LGMN: variants seen among roughly 807,000 people sequenced by gnomAD.
LGMN encodes legumain.
In LGMN, 36 loss-of-function variants were observed where a neutral mutation model predicts 56.8. The ratio of observed to expected loss-of-function variants is 0.63; its 90% CI spans 0.49 to 0.84. LGMN has a LOEUF of 0.84. Among genes scored for constraint, LGMN ranks in the 40% least tolerant of loss-of-function variants. LGMN has a pLI of 0.00. For missense variants in LGMN, 446 were observed against 556.1 expected, an observed-to-expected ratio of 0.80 and a Z score of 1.99; for synonymous variants, 199 against 210.1, an observed-to-expected ratio of 0.95 and a Z score of 0.46.
chr14:92,713,764 C>T (rs1889917640), intron 7 of LGMN, 59 bp downstream of exon 7: 3 of 1,151,714 alleles, frequency 2.6e-6, no homozygotes, highest in Non-Finnish European at 4.0e-6. Flanking sequence ...GTGGGCTCTG[C>T]ACTCACGGCT....
rs369724552 is a variant in LGMN at position 92,704,622 on chromosome 14, C to G, written c.1259+18G>C. On this transcript the variant is annotated intron_variant, in intron 13 of 13. Coordinates refer to ENST00000334869, the MANE Select transcript of LGMN (RefSeq NM_005606.7). ...AGAATGACATCGACCTTTCAAGCGT[C>G]ACCGCTGCATTAGTTACCTGTGAAG... 5.0e-6 allele frequency: 8 copies of G among 1,600,804 alleles called. No homozygotes were observed. The African/African-American group carries it at 1.1e-4, about 21-fold the overall frequency.
chr14:92,706,385 TG>T (rs2140200121), intron 12 of LGMN, 97 bp downstream of exon 12: 1 of 1,024,118 alleles, frequency 9.8e-7, no homozygotes, highest in East Asian at 2.7e-5. Flanking sequence ...TCAGCCTGGA[TG>T]GAACCTTCTA....
At chr14:92,711,475 C>G (rs79720651) in intron 10 of LGMN, among the ~76,000 whole-genome samples, 184 bp downstream of exon 10, 3 of 152,306 alleles carry the variant, frequency 2.0e-5, no homozygotes, top group East Asian at 1.9e-4. Flanking sequence ...AAGTTTGAAC[C>G]TAGAAAGGTC....
rs1889840673 is a variant in LGMN, at chr14:92,712,647, C to G, written c.610+158G>C. 4.7e-6 allele frequency: 3 copies of G among 642,490 alleles called. No homozygotes were observed. The South Asian group carries it at 5.4e-5, about 12-fold the overall frequency. 39.8% of individuals were successfully genotyped at this position (642,490 alleles called of 1,614,324 possible). ...TCCCTGACTACCAGTGCTTCAGAAGCAGAGGAAGCCCAGAGCTACCTGCAA... is the reference window on the plus strand; with the variant it reads ...TCCCTGACTACCAGTGCTTCAGAAGGAGAGGAAGCCCAGAGCTACCTGCAA... On this transcript the variant is annotated intron_variant, in intron 8 of 13. Coordinates refer to ENST00000334869, the MANE Select transcript of LGMN (RefSeq NM_005606.7).
chr14:92,703,968 G>C lies in LGMN; in HGVS notation c.*351C>G. 1.7e-6 allele frequency: 1 copy of C among 595,670 alleles called. No homozygotes were observed. Among genetic ancestry groups the C allele is most frequent in the South Asian group, 2.0e-5 (1 of 50,328 alleles). 36.9% of individuals were successfully genotyped at this position (595,670 alleles called of 1,614,324 possible). ...ATTCTGAAGATTTAAAGAGGTTTCA[G>C]CTTCAAATTCTCAGAATAAAGACTC... On this transcript the variant is annotated 3_prime_UTR_variant, in exon 14 of 14. Transcript: ENST00000334869.
At chr14:92,725,991 C>G (rs1271036582) in intron 2 of LGMN, among the ~76,000 whole-genome samples, 1 of 151,860 alleles carries the variant, frequency 6.6e-6, no homozygotes, top group Non-Finnish European at 1.5e-5. Flanking sequence ...AATCCCAGCA[C>G]TTTGGGAGGC....
At chr14:92,729,470 C>CCA (rs1406228331) in intron 2 of LGMN, among the ~76,000 whole-genome samples, 3 of 62,800 alleles carry the variant, frequency 4.8e-5, no homozygotes, top group South Asian at 1.0e-3. Context: ...AGATCACGCC[C>CCA]CCCCCCCCCG....
chr14:92,704,709 T>TG lies in LGMN; in HGVS notation c.1192-3dup. ...CAAATGTCTCAACGCATACTCGTAC[T>TG]GGGAGAAAACAAACGAGAAGAATGA... On this transcript the variant is annotated splice_polypyrimidine_tract_variant and splice_region_variant and intron_variant, in intron 12 of 13. Coordinates refer to ENST00000334869, the MANE Select transcript of LGMN (RefSeq NM_005606.7). 1 of 1,612,108 alleles carries TG rather than the reference T, an allele frequency of 6.2e-7. No homozygotes were observed. The highest frequency in any genetic ancestry group is 8.5e-7 in the Non-Finnish European group (1 of 1,178,130).
chr14:92,716,053 G>T, intron 5 of LGMN, 83 bp downstream of exon 5: 2 of 900,868 alleles, frequency 2.2e-6, no homozygotes, highest in Non-Finnish European at 3.5e-6. Context: ...CAGGCTAGGG[G>T]CACAGAACAA....
chr14:92,711,766 A>C lies in LGMN; in HGVS notation c.730-18T>G. 1 of 1,613,188 alleles carries C rather than the reference A, an allele frequency of 6.2e-7. No homozygotes were observed. On this transcript the variant is annotated intron_variant, in intron 9 of 13. Transcript: ENST00000334869. ...AGATCTTCCTGCAAAAAGTGAGACC[A>C]TTAGAGACCTTTGACAATCAGAGTC...
chr14:92,729,233 T>A (rs1890905702), intron 2 of LGMN, among the ~76,000 whole-genome samples: 1 of 149,430 alleles, frequency 6.7e-6, no homozygotes, highest in Non-Finnish European at 1.5e-5. Flanking sequence ...CTCTCCCAGG[T>A]CTGCCTCTGT....
intron 1 of LGMN, among the ~76,000 whole-genome samples, chr14:92,744,624 T>A (rs1418293537): frequency 1.3e-5 from 2 of 150,958 alleles, no homozygotes; most frequent in African/African-American, 4.9e-5. Flanking sequence ...AGACGGAGTT[T>A]CGCTCTTGTT....
chr14:92,717,934 G>C (rs1022775669), intron 3 of LGMN, among the ~76,000 whole-genome samples: 11 of 152,308 alleles, frequency 7.2e-5, no homozygotes, highest in South Asian at 2.1e-4. Context: ...TGACCACGGA[G>C]CTAGGAGGTT....
Position 92,717,304 on chromosome 14 carries a change from A to G in LGMN, c.318+76T>C, listed in dbSNP as rs984899749. ...CAGTCTAGGGAGATTCTGATTCTAG[A>G]AACAGAAGAAAGAGGGAAAAATCAT... On this transcript the variant is annotated intron_variant, in intron 4 of 13. Coordinates refer to ENST00000334869, the MANE Select transcript of LGMN (RefSeq NM_005606.7). 21 of 916,226 alleles carry G rather than the reference A, an allele frequency of 2.3e-5. No individual in the cohort carries two copies. In the East Asian group the frequency reaches 4.7e-4, roughly 21 times the overall value. 56.8% of individuals were successfully genotyped at this position (916,226 alleles called of 1,614,324 possible). A position where few individuals can be genotyped will look rare whatever the true frequency, so the allele number is the denominator to read the frequency against.
intron 1 of LGMN, among the ~76,000 whole-genome samples, chr14:92,746,864 G>A (rs781607076): frequency 1.3e-5 from 2 of 151,754 alleles, no homozygotes; most frequent in Non-Finnish European, 2.9e-5. Context: ...GTGAAACCCC[G>A]TCTCTGCTAA....
chr14:92,720,116 C>A (rs2140236596), intron 2 of LGMN, among the ~76,000 whole-genome samples: 1 of 152,316 alleles, frequency 6.6e-6, no homozygotes, highest in African/African-American at 2.4e-5. Context: ...CTTTTGAAGG[C>A]TGAATGGGTG....
chr14:92,719,311 A>ACCGCCG (rs1212696403), intron 2 of LGMN, among the ~76,000 whole-genome samples: 2 of 77,284 alleles, frequency 2.6e-5, no homozygotes, highest in Admixed American at 1.3e-4. Context: ...CACCGCCGCC[A>ACCGCCG]CCGCCGCCGC....
chr14:92,738,882 G>A (rs1891423400), intron 1 of LGMN, among the ~76,000 whole-genome samples: 1 of 151,786 alleles, frequency 6.6e-6, no homozygotes, highest in South Asian at 2.1e-4. Flanking sequence ...AGCTGGGCGT[G>A]GTGGTATGTA....
In LGMN at chr14:92,711,922, G is replaced by A. The variant is rs755125292; in HGVS notation, c.644C>T (p.Ser215Leu). 7.4e-5 allele frequency: 120 copies of A among 1,613,900 alleles called. No homozygotes were observed. The highest frequency in any genetic ancestry group is 3.3e-4 in the Middle Eastern group (2 of 6,084). The change falls in exon 9 of 14, where the codon TCG becomes TTG. Residue 215 changes from serine (S) to leucine (L), a missense_variant. Coordinates refer to ENST00000334869, the MANE Select transcript of LGMN (RefSeq NM_005606.7). ...YATTAANPRE[S>L]SYACYYDEKR... is the part of the protein sequence containing the mutation. ...CTCATCATAGTAACAGGCGTAGGAC[G>A]ACTCTCTGGGGTTGGCAGCAGTAGT...
Sources: gnomAD v4.1 joint callset for allele counts (sites outside exome capture counted in the v4.1 genomes callset) on GRCh38, gnomAD v4.1.1 for gene constraint, MANE v1.5 for transcripts, NCBI Gene and HGNC (gene_info 2026-07-23, HGNC 2026-07-21) for gene names.